The following BRPF3 variants were observed in gnomAD, a reference collection of about 807,000 sequenced individuals.
BRPF3 encodes bromodomain and PHD finger containing 3.
BRPF3 carries 18 observed loss-of-function variants against 102.0 expected under a neutral mutation model. The ratio of observed to expected loss-of-function variants is 0.18; its 90% confidence interval spans 0.12 to 0.26. The LOEUF (loss-of-function observed/expected upper bound fraction) is 0.26, where lower values mean the gene tolerates loss of function less well. Ranked by LOEUF, BRPF3 falls within the 10% of genes least tolerant of loss-of-function variation. The pLI is 1.00. For synonymous variants in BRPF3, 570 were observed against 614.2 expected (o/e 0.93, Z 1.06); for missense variants, 1,147 against 1,567.8 (o/e 0.73, Z 4.53).
chr6:36,214,028 GGAA>G lies in BRPF3; in HGVS notation c.2637_2639del (p.Glu879del). On this transcript the variant is annotated inframe_deletion, in exon 8 of 13. Transcript: ENST00000357641. ...GCAGGTTCCTAAAGCCCAGAAAGGT[GGAA>G]GAAGATGAGCTCTTGGAAAAATCAC... 1 of 1,614,106 alleles carries G rather than the reference GGAA, an allele frequency of 6.2e-7. No individual in the cohort carries two copies.
intron 9 of BRPF3, among the ~76,000 whole-genome samples, chr6:36,220,746 G>GT (rs1026419643): frequency 6.6e-6 from 1 of 152,034 alleles, no homozygotes; most frequent in Non-Finnish European, 1.5e-5. Context: ...GGTATTTTTT[G>GT]TTTTTTCCCA....
At chr6:36,213,672 C>T (rs551192167) in intron 7 of BRPF3, among the ~76,000 whole-genome samples, 6 of 151,358 alleles carry the variant, frequency 4.0e-5, no homozygotes, top group African/African-American at 1.5e-4. Context: ...CACTGCACTC[C>T]AGCCTGGTCA....
intron 9 of BRPF3, among the ~76,000 whole-genome samples, chr6:36,218,374 T>C (rs1768407994): frequency 6.6e-6 from 1 of 152,220 alleles, no homozygotes; most frequent in African/African-American, 2.4e-5. Flanking sequence ...GAGTTGGTTT[T>C]GCTCTTTGCC....
chr6:36,211,613 G>C lies in BRPF3; in HGVS notation c.2482+53G>C, dbSNP rs534810063. On this transcript the variant is annotated intron_variant, in intron 7 of 12. Transcript: ENST00000357641. ...GGTTGGAGGGTAAAGAGGGACAAAGGCTAAGCTGAAATATCATAATGGGGG... is the reference window on the plus strand; with the variant it reads ...GGTTGGAGGGTAAAGAGGGACAAAGCCTAAGCTGAAATATCATAATGGGGG... 612 of 1,525,262 alleles carry C rather than the reference G, an allele frequency of 4.0e-4. 1 individual carries two copies. In the African/African-American group the frequency reaches 4.7e-3, roughly 12 times the overall value. 94.5% of individuals were successfully genotyped at this position (1,525,262 alleles called of 1,614,324 possible). A position where few individuals can be genotyped will look rare whatever the true frequency, so the allele number is the denominator to read the frequency against.
chr6:36,211,500 G>A lies in BRPF3; in HGVS notation c.2422G>A (p.Gly808Arg), dbSNP rs199606883. ...TGGGGAGCTGCCAGCAGGGCCCCAG[G>A]GGGATGCAGCTGTGCTGGAGCAGGC... is the stretch of plus-strand genomic sequence containing the variant. ...SNGELPAGPQ[G>R]DAAVLEQALQ... Residue 808 changes from glycine to arginine, a missense_variant, in exon 7 of 13, where the codon GGG (glycine) becomes AGG (arginine). By Grantham distance (125) the Gly-to-Arg change is moderately radical. This residue lies in a region of BRPF3 where 379 missense variants were observed against 426.3 expected (regional missense o/e 0.89). Coordinates refer to ENST00000357641, the MANE Select transcript of BRPF3 (RefSeq NM_015695.3). 1.1e-5 allele frequency: 18 copies of A among 1,569,478 alleles called. No homozygotes were observed. In the East Asian group the frequency reaches 1.2e-4, roughly 10 times the overall value.
At chr6:36,202,150 C>T (rs1325494768) in intron 2 of BRPF3, among the ~76,000 whole-genome samples, 1 of 152,156 alleles carries the variant, frequency 6.6e-6, no homozygotes, top group Non-Finnish European at 1.5e-5. Flanking sequence ...GTCGCATCCC[C>T]TCCCCCATTG....
chr6:36,217,789 T>C, intron 8 of BRPF3, 128 bp from the exon 9 acceptor site: 1 of 667,032 alleles, frequency 1.5e-6, no homozygotes. Flanking sequence ...GACCCATTTC[T>C]CACAGGGAAA....
At chr6:36,216,916 T>G (rs948209506) in intron 8 of BRPF3, among the ~76,000 whole-genome samples, 31 of 152,322 alleles carry the variant, frequency 2.0e-4, no homozygotes, top group Non-Finnish European at 2.9e-5. Context: ...CATTCATGCC[T>G]GTGGTCACAC....
intron 7 of BRPF3, 54 bp downstream of exon 7, chr6:36,211,614 C>T: frequency 2.0e-6 from 3 of 1,522,964 alleles, no homozygotes; most frequent in South Asian, 2.5e-5. Flanking sequence ...GGGACAAAGG[C>T]TAAGCTGAAA....
intron 8 of BRPF3, among the ~76,000 whole-genome samples, chr6:36,215,049 G>A (rs1768277884): frequency 6.6e-6 from 1 of 152,114 alleles, no homozygotes; most frequent in South Asian, 2.1e-4. Flanking sequence ...CAGCAGAGGG[G>A]GTGGGGTGGG....
intron 9 of BRPF3, among the ~76,000 whole-genome samples, chr6:36,219,135 T>C (rs1768438513): frequency 6.6e-6 from 1 of 152,092 alleles, no homozygotes; most frequent in Non-Finnish European, 1.5e-5. Flanking sequence ...AGACTGGGCA[T>C]GTGTTCTTTT....
intron 2 of BRPF3, among the ~76,000 whole-genome samples, chr6:36,203,802 C>T (rs569906348): frequency 3.3e-5 from 5 of 152,284 alleles, no homozygotes; most frequent in South Asian, 4.1e-4. Context: ...GCAGAGAGAT[C>T]GTGGATTCAA....
At chr6:36,226,062 A>T (rs763638006) in intron 11 of BRPF3, among the ~76,000 whole-genome samples, 4 of 152,244 alleles carry the variant, frequency 2.6e-5, no homozygotes, top group Non-Finnish European at 5.9e-5. Context: ...AGTTGTATGC[A>T]TGTACCATAT....
At chr6:36,215,835 A>G (rs1768310787) in intron 8 of BRPF3, among the ~76,000 whole-genome samples, 1 of 152,174 alleles carries the variant, frequency 6.6e-6, no homozygotes, top group Non-Finnish European at 1.5e-5. Flanking sequence ...CAGACTACTT[A>G]GGTCTTGGTG....
chr6:36,220,218 T>G (rs964213600), intron 9 of BRPF3, among the ~76,000 whole-genome samples: 1 of 152,238 alleles, frequency 6.6e-6, no homozygotes, highest in African/African-American at 2.4e-5. Flanking sequence ...TGCATCCTAT[T>G]TTATTGAGCT....
chr6:36,222,257 A>G lies in BRPF3; in HGVS notation c.3173A>G (p.Asn1058Ser), dbSNP rs532860522. 13 of 1,549,650 alleles carry G rather than the reference A, an allele frequency of 8.4e-6. 1 individual carries two copies. The South Asian group carries it at 1.4e-4, about 17-fold the overall frequency. The change falls in exon 10 of 13, where the codon AAT (asparagine) becomes AGT (serine). Residue 1058 changes from asparagine (N) to serine (S), a missense_variant. This residue lies in a region of BRPF3 where 379 missense variants were observed against 426.3 expected (regional missense o/e 0.89). Transcript: ENST00000357641. ...LEGVNGDSDYNGSGRSLLLPF... is the reference protein window; with the variant it reads ...LEGVNGDSDYSGSGRSLLLPF... The stretch of plus-strand genomic sequence containing the variant: ...GGTGTGAACGGAGACTCTGACTACA[A>G]TGGCTCAGGTGAGGAGCAGTGTTCA...
intron 10 of BRPF3, among the ~76,000 whole-genome samples, chr6:36,222,483 A>C (rs1768585260): frequency 6.6e-6 from 1 of 151,626 alleles, no homozygotes; most frequent in Non-Finnish European, 1.5e-5. Flanking sequence ...GTACATGCCC[A>C]TAGTAATAAA....
At chr6:36,202,091 G>A (rs1767726018) in intron 2 of BRPF3, among the ~76,000 whole-genome samples, 1 of 152,196 alleles carries the variant, frequency 6.6e-6, no homozygotes, top group Non-Finnish European at 1.5e-5. Flanking sequence ...TATTAGAAGT[G>A]TCCTGTACAT....
rs547888616 is a variant in BRPF3, at chr6:36,210,425, C to A, written c.2076C>A (p.His692Gln). The change falls in exon 6 of 13, where the codon CAC (histidine) becomes CAA (glutamine). Residue 692 changes from histidine (H) to glutamine (Q), a missense_variant. Coordinates refer to ENST00000357641, the MANE Select transcript of BRPF3 (RefSeq NM_015695.3). This position sits in a 1 kb window ranked among gnomAD's most constrained non-coding sequence, Gnocchi z 4.7. Reference protein sequence around the residue: ...LRDLGGAILRHARRQAENIGY... With the variant: ...LRDLGGAILRQARRQAENIGY... ...ACCTGGGAGGGGCCATCCTACGGCA[C>A]GCCCGGCGGCAGGCAGAGAACATCG... The A allele has an allele frequency of 3.1e-6, 5 of 1,613,380 alleles. No individual in the cohort carries two copies. The highest frequency in any genetic ancestry group is 1.3e-5 in the African/African-American group (1 of 74,930).
Sources: allele counts gnomAD v4.1 joint callset (sites outside exome capture counted in the v4.1 genomes callset), GRCh38; gene constraint gnomAD v4.1.1; regional missense constraint gnomAD v4.1.1; non-coding constraint Gnocchi (gnomAD v3.1); transcripts MANE v1.5; gene names NCBI Gene and HGNC (gene_info 2026-07-23, HGNC 2026-07-21).